The following ANO4 variants were observed in gnomAD, a reference collection of about 807,000 sequenced individuals.
The protein encoded by ANO4 is anoctamin-4.
In ANO4, 69 loss-of-function variants were observed where a neutral mutation model predicts 141.9. The ratio of observed to expected loss-of-function variants is 0.49; its 90% CI spans 0.40 to 0.59. The LOEUF (loss-of-function observed/expected upper bound fraction) is 0.59, where lower values mean the gene tolerates loss of function less well. Among genes scored for constraint, ANO4 ranks in the 20% least tolerant of loss-of-function variants. ANO4 has a pLI of 0.00. For synonymous variants in ANO4, 350 were observed against 394.3 expected, an observed-to-expected ratio of 0.89 and a Z score of 1.33; for missense variants, 894 against 1,162.2, an observed-to-expected ratio of 0.77 and a Z score of 3.36.
At chr12:100,833,080 C>G (rs1381585643) in intron 1 of ANO4, among the ~76,000 whole-genome samples, 1 of 152,092 alleles carries the variant, frequency 6.6e-6, no homozygotes, top group Non-Finnish European at 1.5e-5. Flanking sequence ...TTTGTGAACA[C>G]TAGAACTTCC....
intron 9 of ANO4, among the ~76,000 whole-genome samples, chr12:101,023,095 ATTTATC>A (rs1424341805): frequency 6.6e-6 from 1 of 152,154 alleles, no homozygotes; most frequent in Non-Finnish European, 1.5e-5. Context: ...AAACTGCCTT[ATTTATC>A]TTTATATCAT....
At chr12:100,881,250 G>C (rs1446744724) in intron 1 of ANO4, among the ~76,000 whole-genome samples, 1 of 151,360 alleles carries the variant, frequency 6.6e-6, no homozygotes, top group Non-Finnish European at 1.5e-5. Context: ...AAACCTGCAC[G>C]TTGTGCACAT....
intron 3 of ANO4, among the ~76,000 whole-genome samples, chr12:100,743,737 G>A (rs1178989343): frequency 6.6e-6 from 1 of 152,084 alleles, no homozygotes; most frequent in Non-Finnish European, 1.5e-5. Context: ...TTTAGGTTTG[G>A]GAGTACACGT....
chr12:100,721,199 C>A (rs1380191721), intron 1 of ANO4, among the ~76,000 whole-genome samples: 1 of 152,208 alleles, frequency 6.6e-6, no homozygotes, highest in Non-Finnish European at 1.5e-5. Flanking sequence ...CCTCTCCTGT[C>A]CCTGTTTTCT....
chr12:101,103,945 G>A (rs2050308480), intron 22 of ANO4, among the ~76,000 whole-genome samples: 1 of 151,694 alleles, frequency 6.6e-6, no homozygotes. Context: ...TCTAGCATCT[G>A]TTTTCATAAG....
intron 3 of ANO4, among the ~76,000 whole-genome samples, chr12:100,773,661 T>C (rs2033383926): frequency 6.6e-6 from 1 of 152,210 alleles, no homozygotes; most frequent in Non-Finnish European, 1.5e-5. Context: ...GAACTGCCTT[T>C]AAGTCTTGAC....
chr12:101,006,648 T>G (rs2045884940), intron 8 of ANO4, among the ~76,000 whole-genome samples: 1 of 152,236 alleles, frequency 6.6e-6, no homozygotes, highest in Non-Finnish European at 1.5e-5. Flanking sequence ...GGACTAGAGC[T>G]CCTTGTATGA....
intron 3 of ANO4, among the ~76,000 whole-genome samples, chr12:100,769,074 CA>C (rs989015097): frequency 1.3e-5 from 2 of 152,072 alleles, no homozygotes; most frequent in African/African-American, 4.8e-5. Flanking sequence ...AATACAATGA[CA>C]AAAAACCTAT....
intron 22 of ANO4, among the ~76,000 whole-genome samples, chr12:101,107,337 A>T (rs2050488888): frequency 6.6e-6 from 1 of 152,204 alleles, no homozygotes; most frequent in Non-Finnish European, 1.5e-5. Flanking sequence ...AACATAAAGA[A>T]GTTGCTGTTT....
chr12:100,783,504 T>G (rs1593322691), intron 3 of ANO4, among the ~76,000 whole-genome samples: 1 of 152,308 alleles, frequency 6.6e-6, no homozygotes, highest in East Asian at 1.9e-4. Flanking sequence ...TCAAGATCAC[T>G]TCCTGAAGCA....
chr12:101,093,693 C>T (rs887470702), intron 17 of ANO4, among the ~76,000 whole-genome samples: 6 of 151,992 alleles, frequency 3.9e-5, no homozygotes, highest in African/African-American at 1.5e-4. Context: ...CATCTATTGA[C>T]CAGATGGCTG....
intron 1 of ANO4, among the ~76,000 whole-genome samples, chr12:100,888,343 G>T (rs1315889074): frequency 5.9e-5 from 9 of 152,316 alleles, no homozygotes; most frequent in Admixed American, 1.3e-4. Flanking sequence ...CAAAGGAGAG[G>T]CTGGGTTATG....
intron 5 of ANO4, among the ~76,000 whole-genome samples, chr12:100,964,370 T>A (rs1292818028): frequency 2.0e-5 from 3 of 152,170 alleles, no homozygotes; most frequent in African/African-American, 4.8e-5. Flanking sequence ...ATTGAATGAT[T>A]TAATGTATGC....
At chr12:101,007,072 G>A (rs1340848002) in intron 8 of ANO4, among the ~76,000 whole-genome samples, 9 of 152,172 alleles carry the variant, frequency 5.9e-5, no homozygotes, top group Non-Finnish European at 1.0e-4. Context: ...CAAATAGTGG[G>A]CCAGGCACCA....
intron 5 of ANO4, among the ~76,000 whole-genome samples, chr12:100,960,476 A>G (rs543446678): frequency 1.1e-4 from 17 of 152,262 alleles, no homozygotes; most frequent in African/African-American, 3.9e-4. Context: ...AATTTTGATC[A>G]GCATTTCACC....
intron 1 of ANO4, among the ~76,000 whole-genome samples, chr12:100,857,506 C>G (rs189843305): frequency 2.0e-5 from 3 of 152,072 alleles, no homozygotes; most frequent in African/African-American, 7.2e-5. Context: ...TACTTGCACA[C>G]GGTCACTAAC....
chr12:100,891,201 G>C (rs574883147), intron 1 of ANO4, among the ~76,000 whole-genome samples: 1 of 152,308 alleles, frequency 6.6e-6, no homozygotes, highest in African/African-American at 2.4e-5. Context: ...ATGTATCACA[G>C]TTTATTTGTC....
At chr12:100,974,035 A>G (rs555855551) in intron 6 of ANO4, among the ~76,000 whole-genome samples, 162 of 152,350 alleles carry the variant, frequency 1.1e-3, no homozygotes, top group African/African-American at 3.6e-3. Context: ...CACCTGTTTC[A>G]TTATTATTCC....
chr12:100,903,295 T>C (rs1345127465), intron 2 of ANO4, among the ~76,000 whole-genome samples: 13 of 152,200 alleles, frequency 8.5e-5, no homozygotes, highest in Non-Finnish European at 1.8e-4. Flanking sequence ...CTTAGGGTTC[T>C]TCTCTTATTT....
Sources: allele counts gnomAD v4.1 joint callset (sites outside exome capture counted in the v4.1 genomes callset), GRCh38; gene constraint gnomAD v4.1.1; transcripts MANE v1.5; gene names NCBI Gene and HGNC (gene_info 2026-07-23, HGNC 2026-07-21).